The following AUTS2 variants were observed in gnomAD, a reference collection of about 807,000 sequenced individuals.
AUTS2 encodes the protein autism susceptibility gene 2 protein.
In AUTS2, 17 loss-of-function variants were observed where a neutral mutation model predicts 112.4. That is an observed-to-expected ratio of 0.15 (90% confidence interval 0.10 to 0.23). The LOEUF (loss-of-function observed/expected upper bound fraction) is 0.23, where lower values mean the gene tolerates loss of function less well. Ranked by LOEUF, AUTS2 falls within the 10% of genes least tolerant of loss-of-function variation. The probability of loss-of-function intolerance (pLI) is 1.00; values close to 1 mark genes in which losing one functional copy is unlikely to be tolerated. For synonymous variants in AUTS2, 751 were observed against 702.7 expected, an observed-to-expected ratio of 1.07 and a Z score of -1.09; for missense variants, 1,510 against 1,701.6, an observed-to-expected ratio of 0.89 and a Z score of 1.98.
chr7:70,264,024 G>A (rs901925266), intron 4 of AUTS2, among the ~76,000 whole-genome samples: 8 of 152,102 alleles, frequency 5.3e-5, no homozygotes, highest in Non-Finnish European at 1.0e-4. Flanking sequence ...ATAAAGACAC[G>A]TTTACTTGCA....
At chr7:70,187,775 CTTTTTTTTTTTTTTT>C in intron 4 of AUTS2, among the ~76,000 whole-genome samples, 1 of 110,316 alleles carries the variant, frequency 9.1e-6, no homozygotes, top group East Asian at 2.7e-4. Flanking sequence ...AACTAGTCTT[CTTTTTTTTTTTTTTT>C]TTTTTTGAGA....
chr7:70,506,416 A>G (rs1006535821), intron 5 of AUTS2, among the ~76,000 whole-genome samples: 3 of 152,234 alleles, frequency 2.0e-5, no homozygotes, highest in Non-Finnish European at 4.4e-5. Context: ...AACAGATGGA[A>G]CATGCCTCAT....
At chr7:69,769,733 G>A (rs1759931064) in intron 1 of AUTS2, among the ~76,000 whole-genome samples, 1 of 152,192 alleles carries the variant, frequency 6.6e-6, no homozygotes. Flanking sequence ...AACCCACGGA[G>A]TAAACTTGAT....
chr7:70,651,268 G>T (rs1355890873), intron 5 of AUTS2, among the ~76,000 whole-genome samples: 1 of 152,152 alleles, frequency 6.6e-6, no homozygotes. Context: ...GGTAAAGCTG[G>T]ACCCAGGTAA....
chr7:70,640,295 A>C (rs1805744596), intron 5 of AUTS2, among the ~76,000 whole-genome samples: 1 of 152,028 alleles, frequency 6.6e-6, no homozygotes, highest in South Asian at 2.1e-4. Context: ...GTAGGAAGAC[A>C]GGTTAGGATG....
intron 2 of AUTS2, among the ~76,000 whole-genome samples, chr7:69,905,292 A>G (rs1048571095): frequency 1.3e-5 from 2 of 152,204 alleles, no homozygotes; most frequent in Non-Finnish European, 2.9e-5. Flanking sequence ...TATGAAAAGG[A>G]CATAGCATAT....
At chr7:70,296,525 C>T (rs1788942316) in intron 4 of AUTS2, among the ~76,000 whole-genome samples, 2 of 152,108 alleles carry the variant, frequency 1.3e-5, no homozygotes, top group Non-Finnish European at 2.9e-5. Context: ...TGCCTTTTTC[C>T]CTTCAACTAT....
At chr7:69,990,506 A>G (rs1798702632) in intron 2 of AUTS2, among the ~76,000 whole-genome samples, 1 of 152,172 alleles carries the variant, frequency 6.6e-6, no homozygotes, top group Non-Finnish European at 1.5e-5. Flanking sequence ...AATGACTACT[A>G]AGAGGTGTGC....
At chr7:70,203,087 C>T (rs989108569) in intron 4 of AUTS2, among the ~76,000 whole-genome samples, 7 of 146,266 alleles carry the variant, frequency 4.8e-5, no homozygotes, top group Non-Finnish European at 7.4e-5. Flanking sequence ...AGTAAACTAT[C>T]GCAAGAACAA....
At chr7:70,748,216 C>T (rs990906069) in intron 6 of AUTS2, among the ~76,000 whole-genome samples, 3 of 151,940 alleles carry the variant, frequency 2.0e-5, no homozygotes, top group African/African-American at 4.8e-5. Flanking sequence ...TATATTTGAA[C>T]GTTTTTCCTT....
chr7:69,953,367 T>G (rs1486379318), intron 2 of AUTS2, among the ~76,000 whole-genome samples: 1 of 152,194 alleles, frequency 6.6e-6, no homozygotes, highest in Admixed American at 6.5e-5. Context: ...CTGAATTTAG[T>G]ATGATTTTTT....
chr7:70,188,947 C>T (rs568703010), intron 4 of AUTS2, among the ~76,000 whole-genome samples: 17 of 151,804 alleles, frequency 1.1e-4, no homozygotes, highest in South Asian at 4.2e-4. Flanking sequence ...TATTTGTCTT[C>T]GGGAATGGAA....
At chr7:69,625,353 C>A (rs942160128) in intron 1 of AUTS2, among the ~76,000 whole-genome samples, 1 of 152,094 alleles carries the variant, frequency 6.6e-6, no homozygotes, top group African/African-American at 2.4e-5. Context: ...ATGGCAGTGG[C>A]AGGAAGGATC....
At chr7:70,382,373 C>T (rs1330994773) in intron 4 of AUTS2, among the ~76,000 whole-genome samples, 1 of 152,190 alleles carries the variant, frequency 6.6e-6, no homozygotes. Flanking sequence ...ACATCACTGC[C>T]TGGCTAATTT....
chr7:69,746,522 G>C (rs1413767022), intron 1 of AUTS2, among the ~76,000 whole-genome samples: 1 of 152,176 alleles, frequency 6.6e-6, no homozygotes, highest in Admixed American at 6.6e-5. Flanking sequence ...TTTATGCAAA[G>C]ACTTGAAGAG....
chr7:70,228,870 G>A (rs1249226867), intron 4 of AUTS2, among the ~76,000 whole-genome samples: 1 of 151,868 alleles, frequency 6.6e-6, no homozygotes, highest in South Asian at 2.1e-4. Context: ...ATAGAAAAAT[G>A]TATGTATGAT....
At chr7:70,353,320 A>G (rs2129623875) in intron 4 of AUTS2, among the ~76,000 whole-genome samples, 1 of 152,312 alleles carries the variant, frequency 6.6e-6, no homozygotes, top group South Asian at 2.1e-4. Context: ...ATTTGAAATT[A>G]ATAAAACAAT....
At chr7:70,706,699 CT>C (rs1048705791) in intron 6 of AUTS2, among the ~76,000 whole-genome samples, 15 of 151,484 alleles carry the variant, frequency 9.9e-5, no homozygotes, top group African/African-American at 3.7e-4. Context: ...AAATTAAATG[CT>C]TTTTTATTGT....
intron 2 of AUTS2, among the ~76,000 whole-genome samples, chr7:70,066,307 T>C (rs1386948478): frequency 6.6e-6 from 1 of 152,214 alleles, no homozygotes; most frequent in Non-Finnish European, 1.5e-5. Context: ...CCAAATTATG[T>C]TTAAAAAGCT....
Sources: gnomAD v4.1 joint callset for allele counts (sites outside exome capture counted in the v4.1 genomes callset) on GRCh38, gnomAD v4.1.1 for gene constraint, MANE v1.5 for transcripts, NCBI Gene and HGNC (gene_info 2026-07-23, HGNC 2026-07-21) for gene names.